EHD3: variants seen among roughly 807,000 people sequenced by gnomAD.
EHD3 encodes the protein EH domain containing 3, also known as EH domain-containing protein 3.
A neutral mutation model predicts 43.0 loss-of-function variants in EHD3; 17 were observed. The observed-to-expected ratio is 0.40, with a 90% confidence interval of 0.27 to 0.59. The LOEUF (loss-of-function observed/expected upper bound fraction) is 0.59. EHD3 is among the 20% of genes least tolerant of loss of function. The pLI is 0.49. For synonymous variants in EHD3, 313 were observed against 289.5 expected (o/e 1.08, Z -0.82); for missense variants, 594 against 705.6 (o/e 0.84, Z 1.79).
chr2:31,254,929 A>C (rs1015777906), intron 3 of EHD3, among the ~76,000 whole-genome samples: 4 of 152,228 alleles, frequency 2.6e-5, no homozygotes, highest in African/African-American at 9.6e-5. Context: ...TGGAAACCCG[A>C]AGAAGTATGC....
intron 3 of EHD3, among the ~76,000 whole-genome samples, chr2:31,257,164 T>G (rs1442552363): frequency 6.6e-6 from 1 of 152,202 alleles, no homozygotes; most frequent in Non-Finnish European, 1.5e-5. Flanking sequence ...ACTGCCCTCC[T>G]GCTGTGAGCT....
Position 31,264,151 on chromosome 2 carries a change from C to T in EHD3, c.1081-2026C>T, listed in dbSNP as rs374751523. Among the ~76,000 whole-genome samples, 102 of 152,308 alleles carry T rather than the reference C, an allele frequency of 6.7e-4. No individual in the cohort carries two copies. In the South Asian group the frequency reaches 0.018, roughly 27 times the overall value. On this transcript the variant is annotated intron_variant, in intron 5 of 5. Transcript: ENST00000322054. ...ATATACACAAACCTGCATGGTAGGG[C>T]CTACCACACACCTGGACTATATGGT... is the stretch of plus-strand genomic sequence containing the variant.
Position 31,266,786 on chromosome 2 carries a change from AC to A in EHD3, c.*83del. On this transcript the variant is annotated 3_prime_UTR_variant, in exon 6 of 6. Transcript: ENST00000322054. This position sits in a 1 kb window ranked among gnomAD's most constrained non-coding sequence, Gnocchi z 5.1. ...TACACACACACACACACACACACAC[AC>A]ACACACAAACATGCACACACACATA... 6.5e-5 allele frequency: 91 copies of A among 1,400,118 alleles called. No homozygotes were observed. Among genetic ancestry groups the A allele is most frequent in the African/African-American group, 6.0e-4 (42 of 70,218 alleles). 86.7% of individuals were successfully genotyped at this position (1,400,118 alleles called of 1,614,324 possible). A position where few individuals can be genotyped will look rare whatever the true frequency, so the allele number is the denominator to read the frequency against.
chr2:31,262,448 A>G (rs1209850558), intron 5 of EHD3, among the ~76,000 whole-genome samples: 3 of 152,238 alleles, frequency 2.0e-5, no homozygotes, highest in Non-Finnish European at 2.9e-5. Flanking sequence ...ATCACGCCTT[A>G]TACAGGTGTT....
At chr2:31,244,555 G>A (rs1217542363) in intron 2 of EHD3, 105 bp downstream of exon 2, 2 of 1,254,490 alleles carry the variant, frequency 1.6e-6, no homozygotes, top group Admixed American at 2.4e-5. Flanking sequence ...GGTGCCTAGA[G>A]TCTCCTGTCA....
rs117747015 is a variant in EHD3, at chr2:31,256,650, A to G, written c.503-3860A>G. On this transcript the variant is annotated intron_variant, in intron 3 of 5. Coordinates refer to ENST00000322054, the MANE Select transcript of EHD3 (RefSeq NM_014600.3). ...CAGGGACAGGGATAGGCAGGGGTCT[A>G]TCCTGTTCTGGCAGCATGGACATAT... 3.3e-3 allele frequency among the ~76,000 whole-genome samples: 505 copies of G among 152,290 alleles called. 13 individuals carry two copies. In the East Asian group the frequency reaches 0.051, roughly 16 times the overall value.
intron 1 of EHD3, among the ~76,000 whole-genome samples, chr2:31,235,872 T>C (rs549153219): frequency 6.6e-6 from 1 of 152,320 alleles, no homozygotes; most frequent in South Asian, 2.1e-4. Context: ...TGGCCCCTTT[T>C]ATAGCCATTC....
chr2:31,243,460 C>CTTTCTTTTTTTTT lies in EHD3; in HGVS notation c.228-811_228-810insCTTTTTTTTTTTT, dbSNP rs1553402472. Among the ~76,000 whole-genome samples the CTTTCTTTTTTTTT allele has an allele frequency of 3.1e-3, 307 of 98,460 alleles. 6 individuals carry two copies. The highest frequency in any genetic ancestry group is 0.014 in the African/African-American group (295 of 21,814). 64.6% of individuals were successfully genotyped at this position (98,460 alleles called of 152,430 possible). A position where few individuals can be genotyped will look rare whatever the true frequency, so the allele number is the denominator to read the frequency against. On this transcript the variant is annotated intron_variant, in intron 1 of 5. Coordinates refer to ENST00000322054, the MANE Select transcript of EHD3 (RefSeq NM_014600.3). ...TCTTTCTTTCTTTCTTTCTTTCTTT[C>CTTTCTTTTTTTTT]TTTTTTTTTTTTTGAGACAGAGTTT...
chr2:31,261,043 C>A, intron 4 of EHD3, 121 bp downstream of exon 4: 1 of 1,135,646 alleles, frequency 8.8e-7, no homozygotes, highest in Non-Finnish European at 1.2e-6. Flanking sequence ...CACCAAGGGG[C>A]AGGACAGTGC....
In EHD3 at chr2:31,268,194, C is replaced by A. The variant is rs1327357536; in HGVS notation, c.*1490C>A. On this transcript the variant is annotated 3_prime_UTR_variant, in exon 6 of 6. Coordinates refer to ENST00000322054, the MANE Select transcript of EHD3 (RefSeq NM_014600.3). ...CCCTACATTCTCTTCTGTGGTCTCTCCCCTGGCTTGCTTCATGGCCACTGA... is the reference window on the plus strand; with the variant it reads ...CCCTACATTCTCTTCTGTGGTCTCTACCCTGGCTTGCTTCATGGCCACTGA... The A allele has an allele frequency of 2.0e-5, 3 of 152,712 alleles. No individual in the cohort carries two copies. The highest frequency in any genetic ancestry group is 4.4e-5 in the Non-Finnish European group (3 of 68,084). 9.5% of individuals were successfully genotyped at this position (152,712 alleles called of 1,614,324 possible). A position where few individuals can be genotyped will look rare whatever the true frequency, so the allele number is the denominator to read the frequency against.
intron 5 of EHD3, 146 bp downstream of exon 5, chr2:31,261,859 C>A: frequency 2.0e-6 from 2 of 1,004,428 alleles, no homozygotes; most frequent in South Asian, 1.7e-5. Flanking sequence ...TGGATCTACA[C>A]TCCTAGCTGG....
chr2:31,260,839 C>T lies in EHD3; in HGVS notation c.832C>T (p.Leu278=). The change falls in exon 4 of 6, where the codon CTA becomes TTA. Residue 278 remains leucine, a synonymous_variant. Coordinates refer to ENST00000322054, the MANE Select transcript of EHD3 (RefSeq NM_014600.3). This position sits in a 1 kb window ranked among gnomAD's most constrained non-coding sequence, Gnocchi z 4.6. ...GCTCTTTGAGGCTGAGGAACAGGAC[C>T]TATTCAGGGACATCCAGAGTCTGCC... The part of the protein sequence containing the change: ...RKLFEAEEQD[L]FRDIQSLPRN... 6.2e-7 allele frequency: 1 copy of T among 1,614,200 alleles called. No homozygotes were observed. Among genetic ancestry groups the T allele is most frequent in the Non-Finnish European group, 8.5e-7 (1 of 1,180,036 alleles).
At chr2:31,252,733 T>G (rs1033672644) in intron 3 of EHD3, among the ~76,000 whole-genome samples, 1 of 152,188 alleles carries the variant, frequency 6.6e-6, no homozygotes, top group African/African-American at 2.4e-5. Flanking sequence ...ATTAGGCCCT[T>G]GGTGTTCTTG....
Position 31,266,776 on chromosome 2 carries a change from ACACACACACACACACACAAACATG to A in EHD3, c.*83_*106del, listed in dbSNP as rs538388340. The A allele has an allele frequency of 7.2e-3, 10,250 of 1,419,558 alleles. 20 individuals are homozygous for A. Among genetic ancestry groups the A allele is most frequent in the Non-Finnish European group, 7.8e-3 (8,227 of 1,056,724 alleles). 87.9% of individuals were successfully genotyped at this position (1,419,558 alleles called of 1,614,324 possible). A position where few individuals can be genotyped will look rare whatever the true frequency, so the allele number is the denominator to read the frequency against. ...GAGCGGTGACTACACACACACACAC[ACACACACACACACACACAAACATG>A]CACACACACATATGCATATCTTGAC... On this transcript the variant is annotated 3_prime_UTR_variant, in exon 6 of 6. Coordinates refer to ENST00000322054, the MANE Select transcript of EHD3 (RefSeq NM_014600.3). The surrounding 1 kb of genome is among the most constrained non-coding windows in gnomAD (Gnocchi z 5.1).
chr2:31,239,197 A>G lies in EHD3; in HGVS notation c.227+4349A>G, dbSNP rs527293422. Among the ~76,000 whole-genome samples, 7 of 152,322 alleles carry G rather than the reference A, an allele frequency of 4.6e-5. No individual in the cohort carries two copies. In the East Asian group the frequency reaches 1.4e-3, roughly 29 times the overall value. On this transcript the variant is annotated intron_variant, in intron 1 of 5. Transcript: ENST00000322054. The stretch of plus-strand genomic sequence containing the variant: ...GCGCCGGGAAAGATGGTTCTCCAGA[A>G]AGCCAAAGGGATAGAGTGAGAGGGC...
At chr2:31,253,334 A>G (rs1231054171) in intron 3 of EHD3, among the ~76,000 whole-genome samples, 1 of 151,790 alleles carries the variant, frequency 6.6e-6, no homozygotes, top group East Asian at 1.9e-4. Context: ...CTAGGGCTCC[A>G]AGAGCTCTGG....
chr2:31,267,795 C>G lies in EHD3; in HGVS notation c.*1091C>G, dbSNP rs1340791356. The G allele has an allele frequency of 6.6e-6, 1 of 152,280 alleles. No individual in the cohort carries two copies. The highest frequency in any genetic ancestry group is 2.4e-5 in the African/African-American group (1 of 41,464). 9.4% of individuals were successfully genotyped at this position (152,280 alleles called of 1,614,324 possible). ...AGAACAAGCAAAGTATGCAGGCCCC[C>G]TGCAGCCTCCCAGGACAGGCTGGCA... On this transcript the variant is annotated 3_prime_UTR_variant, in exon 6 of 6. Transcript: ENST00000322054.
chr2:31,251,906 C>G (rs1683642711), intron 3 of EHD3, among the ~76,000 whole-genome samples: 1 of 152,178 alleles, frequency 6.6e-6, no homozygotes, highest in Admixed American at 6.5e-5. Flanking sequence ...GGGGTTTACC[C>G]TGCGTTTAAG....
chr2:31,237,159 CTTCT>C (rs1269176456), intron 1 of EHD3, among the ~76,000 whole-genome samples: 1 of 152,072 alleles, frequency 6.6e-6, no homozygotes, highest in African/African-American at 2.4e-5. Context: ...ATGTACTTTT[CTTCT>C]TTCTCATAAA....
Sources: gnomAD v4.1 joint callset for allele counts (sites outside exome capture counted in the v4.1 genomes callset) on GRCh38, gnomAD v4.1.1 for gene constraint, Gnocchi (gnomAD v3.1) non-coding constraint, MANE v1.5 for transcripts, NCBI Gene and HGNC (gene_info 2026-07-23, HGNC 2026-07-21) for gene names.